NUBPL: variants seen among roughly 807,000 people sequenced by gnomAD.
NUBPL encodes the protein NUBP iron-sulfur cluster assembly factor, mitochondrial, also known as iron-sulfur cluster transfer protein NUBPL.
A neutral mutation model predicts 45.7 loss-of-function variants in NUBPL; 31 were observed. The ratio of observed to expected loss-of-function variants is 0.68; its 90% CI spans 0.51 to 0.92. The LOEUF (loss-of-function observed/expected upper bound fraction) is 0.92. Among genes scored for constraint, NUBPL ranks in the 40% least tolerant of loss-of-function variants. NUBPL has a pLI of 0.00. For synonymous variants in NUBPL, 144 were observed against 140.9 expected (o/e 1.02, Z -0.15); for missense variants, 401 against 398.7 (o/e 1.01, Z -0.05).
chr14:31,841,926 T>G lies in NUBPL; in HGVS notation c.694-4545T>G, dbSNP rs1465757333. On this transcript the variant is annotated intron_variant, in intron 8 of 10. Coordinates refer to ENST00000281081, the MANE Select transcript of NUBPL (RefSeq NM_025152.3). The stretch of plus-strand genomic sequence containing the variant: ...ATGGGTCGATTCTGGGCTTTTTTTT[T>G]TTTTTTTTTTTTTTTTTTTTTTGAG... Among the ~76,000 whole-genome samples the G allele has an allele frequency of 1.3e-3, 155 of 115,280 alleles. 11 individuals carry two copies. Among genetic ancestry groups the G allele is most frequent in the Admixed American group, 4.1e-3 (48 of 11,582 alleles). 75.6% of individuals were successfully genotyped at this position (115,280 alleles called of 152,430 possible).
chr14:31,838,711 C>T (rs1264736270), intron 8 of NUBPL, among the ~76,000 whole-genome samples: 2 of 152,038 alleles, frequency 1.3e-5, no homozygotes, highest in African/African-American at 4.8e-5. Flanking sequence ...TCCTGATATA[C>T]TTTGATGGAA....
At position 31,599,289 on chromosome 14, in the gene NUBPL, T is replaced by C. The variant is rs2034361747; in HGVS notation, c.292T>C (p.Ser98Pro). Residue 98 changes from serine (S) to proline (P), a missense_variant and splice_region_variant, in exon 4 of 11, where the codon TCC becomes CCC. By Grantham distance (74) the Ser-to-Pro change is moderately conservative. Coordinates refer to ENST00000281081, the MANE Select transcript of NUBPL (RefSeq NM_025152.3). ...TATATTTTTATTTATTTTTTTACAGTCCAAGGCCATTGGTTTGCTAGATGT... is the reference window on the plus strand; with the variant it reads ...TATATTTTTATTTATTTTTTTACAGCCCAAGGCCATTGGTTTGCTAGATGT... Reference protein sequence around the residue: ...LALALAANDSSKAIGLLDVDV... With the variant: ...LALALAANDSPKAIGLLDVDV... The C allele has an allele frequency of 6.2e-7, 1 of 1,605,478 alleles. No individual in the cohort carries two copies. The highest frequency in any genetic ancestry group is 2.2e-5 in the East Asian group (1 of 44,736).
intron 4 of NUBPL, among the ~76,000 whole-genome samples, chr14:31,630,885 T>C (rs2035323970): frequency 6.6e-6 from 1 of 152,164 alleles, no homozygotes; most frequent in Non-Finnish European, 1.5e-5. Flanking sequence ...CATTGGGTAA[T>C]TTTTCTCATT....
At chr14:31,613,406 T>C (rs1489994500) in intron 4 of NUBPL, among the ~76,000 whole-genome samples, 1 of 151,956 alleles carries the variant, frequency 6.6e-6, no homozygotes, top group Non-Finnish European at 1.5e-5. Flanking sequence ...GTAACTGTAG[T>C]CCGTAATAAC....
intron 8 of NUBPL, among the ~76,000 whole-genome samples, chr14:31,827,316 A>G (rs987779105): frequency 6.6e-6 from 1 of 151,674 alleles, no homozygotes; most frequent in Non-Finnish European, 1.5e-5. Flanking sequence ...AAAGAAAAAT[A>G]GTACCATTAT....
At chr14:31,674,106 A>C (rs935249527) in intron 6 of NUBPL, among the ~76,000 whole-genome samples, 7 of 152,264 alleles carry the variant, frequency 4.6e-5, no homozygotes, top group African/African-American at 1.7e-4. Context: ...ATTTGATTGG[A>C]TAATCTAAAA....
At chr14:31,849,155 C>T (rs1349459545) in intron 9 of NUBPL, among the ~76,000 whole-genome samples, 4 of 152,132 alleles carry the variant, frequency 2.6e-5, no homozygotes, top group African/African-American at 7.2e-5. Context: ...TTTCCATGTA[C>T]TTCATAGTAT....
intron 6 of NUBPL, among the ~76,000 whole-genome samples, chr14:31,731,394 C>T (rs910703068): frequency 2.0e-5 from 3 of 152,186 alleles, no homozygotes; most frequent in Non-Finnish European, 4.4e-5. Context: ...ATTTGACACA[C>T]ATAATTTTTT....
intron 6 of NUBPL, among the ~76,000 whole-genome samples, chr14:31,693,188 G>C (rs1488683990): frequency 1.3e-5 from 2 of 152,106 alleles, no homozygotes; most frequent in African/African-American, 4.8e-5. Flanking sequence ...GGTGAATTGT[G>C]AAACAATTCA....
intron 7 of NUBPL, among the ~76,000 whole-genome samples, chr14:31,821,912 G>A (rs762246773): frequency 1.5e-4 from 23 of 152,324 alleles, no homozygotes; most frequent in Non-Finnish European, 2.4e-4. Context: ...ATGCCATTAT[G>A]TTAAGTGAAA....
rs188066138 is a variant in NUBPL at position 31,640,170 on chromosome 14, T to C, written c.383-33185T>C. Among the ~76,000 whole-genome samples, 990 of 152,328 alleles carry C rather than the reference T, an allele frequency of 6.5e-3. 11 individuals are homozygous for C. Among genetic ancestry groups the C allele is most frequent in the African/African-American group, 0.022 (927 of 41,568 alleles). Reference sequence around the variant, plus strand: ...ATGGAAATGCAGAAATCACCTGTCTTCTGCATCGCTCATGCTGGGAGCTGT... The same window carrying C: ...ATGGAAATGCAGAAATCACCTGTCTCCTGCATCGCTCATGCTGGGAGCTGT... On this transcript the variant is annotated intron_variant, in intron 4 of 10. Transcript: ENST00000281081.
chr14:31,834,462 A>G (rs2040248316), intron 8 of NUBPL, among the ~76,000 whole-genome samples: 1 of 152,150 alleles, frequency 6.6e-6, no homozygotes, highest in African/African-American at 2.4e-5. Context: ...TACAGGCGTG[A>G]GCCACTGCGC....
At chr14:31,848,519 A>T (rs557417850) in intron 9 of NUBPL, among the ~76,000 whole-genome samples, 3 of 152,324 alleles carry the variant, frequency 2.0e-5, no homozygotes, top group African/African-American at 7.2e-5. Context: ...GGGACAGTTT[A>T]TGCATAGTAG....
At chr14:31,780,618 T>C (rs1440171451) in intron 6 of NUBPL, among the ~76,000 whole-genome samples, 1 of 152,162 alleles carries the variant, frequency 6.6e-6, no homozygotes, top group African/African-American at 2.4e-5. Context: ...AAAAATAAAG[T>C]CTTAACAATT....
At chr14:31,625,192 A>G (rs911394394) in intron 4 of NUBPL, among the ~76,000 whole-genome samples, 1 of 152,230 alleles carries the variant, frequency 6.6e-6, no homozygotes, top group Non-Finnish European at 1.5e-5. Context: ...CCAAGGAAGC[A>G]GGGAGTTTTG....
chr14:31,818,617 C>T (rs1479517954), intron 7 of NUBPL, among the ~76,000 whole-genome samples: 2 of 152,172 alleles, frequency 1.3e-5, no homozygotes, highest in African/African-American at 4.8e-5. Flanking sequence ...ACTGCGATCT[C>T]GGCTTACTGC....
chr14:31,631,080 G>T (rs2035329430), intron 4 of NUBPL, among the ~76,000 whole-genome samples: 1 of 152,070 alleles, frequency 6.6e-6, no homozygotes, highest in African/African-American at 2.4e-5. Flanking sequence ...TTTTCAGCCT[G>T]GAAGCTGTCT....
chr14:31,719,805 A>G (rs748748378), intron 6 of NUBPL, among the ~76,000 whole-genome samples: 9 of 152,208 alleles, frequency 5.9e-5, no homozygotes, highest in Non-Finnish European at 8.8e-5. Flanking sequence ...TCTTTCAATT[A>G]AAAATATCTA....
At chr14:31,576,880 AT>A (rs2033731461) in intron 3 of NUBPL, among the ~76,000 whole-genome samples, 1 of 152,174 alleles carries the variant, frequency 6.6e-6, no homozygotes, top group Non-Finnish European at 1.5e-5. Flanking sequence ...AGGATTGTTG[AT>A]TGCAGTGCTT....
Sources: gnomAD v4.1 joint callset for allele counts (sites outside exome capture counted in the v4.1 genomes callset) on GRCh38, gnomAD v4.1.1 for gene constraint, MANE v1.5 for transcripts, NCBI Gene and HGNC (gene_info 2026-07-23, HGNC 2026-07-21) for gene names.